The following DOCK2 variants were observed in gnomAD, a reference collection of about 807,000 sequenced individuals.
DOCK2 encodes dedicator of cytokinesis 2.
Under a neutral mutation model 248.9 loss-of-function variants are expected in DOCK2, and 87 were observed. The observed-to-expected ratio is 0.35, with a 90% CI of 0.29 to 0.42. The LOEUF is 0.42. Ranked by LOEUF, DOCK2 falls within the 10% of genes least tolerant of loss-of-function variation. DOCK2 has a pLI of 1.00. For missense variants in DOCK2, 1,747 were observed against 2,300.2 expected (o/e 0.76, Z 4.92); for synonymous variants, 805 against 821.6 (o/e 0.98, Z 0.35).
Position 169,689,336 on chromosome 5 carries a change from G to A in DOCK2, c.843+3G>A. 1.2e-6 allele frequency: 2 copies of A among 1,613,954 alleles called. No individual in the cohort carries two copies. Among genetic ancestry groups the A allele is most frequent in the South Asian group, 1.1e-5 (1 of 91,058 alleles). On this transcript the variant is annotated splice_donor_region_variant and intron_variant, in intron 9 of 51. Transcript: ENST00000520908. ...ACAATCTGAAGGTGGTCTTCACGGTGAGTGTGCACCCTCTTCTCGTTACCG... is the reference window on the plus strand; with the variant it reads ...ACAATCTGAAGGTGGTCTTCACGGTAAGTGTGCACCCTCTTCTCGTTACCG...
At chr5:169,824,372 ATAC>A (rs1202294972) in intron 26 of DOCK2, among the ~76,000 whole-genome samples, 1 of 152,240 alleles carries the variant, frequency 6.6e-6, no homozygotes, top group Non-Finnish European at 1.5e-5. Context: ...ACTTCAAACT[ATAC>A]TACAAGGCTA....
chr5:170,040,955 C>A, intron 36 of DOCK2, 100 bp from the exon 37 acceptor site: 1 of 1,054,534 alleles, frequency 9.5e-7, no homozygotes, highest in Non-Finnish European at 1.5e-6. Flanking sequence ...TCTTGCGACC[C>A]AGAGAGGTGC....
chr5:169,761,291 G>A (rs1186735456), intron 24 of DOCK2: 6 of 478,900 alleles, frequency 1.3e-5, no homozygotes, highest in African/African-American at 5.8e-5. Flanking sequence ...CACGGTAACT[G>A]CTCAGGGCTA....
intron 27 of DOCK2, among the ~76,000 whole-genome samples, chr5:169,887,230 T>C (rs1773022893): frequency 6.6e-6 from 1 of 152,254 alleles, no homozygotes; most frequent in Non-Finnish European, 1.5e-5. Flanking sequence ...ATTCTGGTGT[T>C]AGCCCTGCCT....
In DOCK2 at chr5:169,996,081, T is replaced by A. The variant is rs1432355503; in HGVS notation, c.2994-5T>A. On this transcript the variant is annotated splice_region_variant and splice_polypyrimidine_tract_variant and intron_variant, in intron 29 of 51. Coordinates refer to ENST00000520908, the MANE Select transcript of DOCK2 (RefSeq NM_004946.3). Reference sequence around the variant, plus strand: ...ACAGTCTGGTAATTTTCTGCCCTCTTCCAGGGTCTTCCTGAGAGCTATCAA... The same window carrying A: ...ACAGTCTGGTAATTTTCTGCCCTCTACCAGGGTCTTCCTGAGAGCTATCAA... 4 of 1,613,784 alleles carry A rather than the reference T, an allele frequency of 2.5e-6. No homozygotes were observed. The highest frequency in any genetic ancestry group is 2.5e-6 in the Non-Finnish European group (3 of 1,179,816).
intron 2 of DOCK2, among the ~76,000 whole-genome samples, chr5:169,663,860 C>A (rs1187411018): frequency 6.6e-6 from 1 of 152,238 alleles, no homozygotes; most frequent in Non-Finnish European, 1.5e-5. Context: ...GACATTTTCC[C>A]TACTATCTTG....
In DOCK2 at chr5:169,980,260, C is replaced by G. The variant is rs1488743250; in HGVS notation, c.2800-2808C>G. ...GATCATCGATCATAAAAAATAAAAC[C>G]TACCCACATCTCTTACCTTGAAGCA... On this transcript the variant is annotated intron_variant, in intron 27 of 51. Transcript: ENST00000520908. The G allele has an allele frequency of 4.6e-5, 7 of 152,258 alleles. 1 individual carries two copies. In the Middle Eastern group the frequency reaches 0.017, roughly 370 times the overall value. The allele number at this position is 152,258 out of a possible 1,614,324, so 9.4% of individuals were successfully genotyped here. A position where few individuals can be genotyped will look rare whatever the true frequency, so the allele number is the denominator to read the frequency against.
At chr5:169,840,646 G>T in intron 26 of DOCK2, 111 bp from the exon 27 acceptor site, 1 of 786,978 alleles carries the variant, frequency 1.3e-6, no homozygotes, top group Non-Finnish European at 2.2e-6. Flanking sequence ...TGGTGGTGTT[G>T]GTGATGGTGT....
At chr5:169,726,647 C>A (rs772785690) in intron 22 of DOCK2, among the ~76,000 whole-genome samples, 2 of 152,142 alleles carry the variant, frequency 1.3e-5, no homozygotes. Context: ...TATTGGGCAC[C>A]TATTATGTGC....
At chr5:169,755,482 C>T (rs531948295) in intron 23 of DOCK2, among the ~76,000 whole-genome samples, 1 of 152,250 alleles carries the variant, frequency 6.6e-6, no homozygotes, top group African/African-American at 2.4e-5. Context: ...GTGGCTCCAG[C>T]CTGTAATCCC....
chr5:169,718,770 G>A lies in DOCK2; in HGVS notation c.2246G>A (p.Arg749Gln), dbSNP rs755733930. ...ALEYVFKFIV[R>Q]SRTLFSQLYE... ...GAATATGTGTTCAAGTTCATTGTTC[G>A]GTCGAGGACATTATTTTCACAGTGA... is the stretch of plus-strand genomic sequence containing the variant. The change falls in exon 22 of 52, where the codon CGG becomes CAG. Residue 749 changes from arginine to glutamine, a missense_variant. By Grantham distance (43) the Arg-to-Gln change is conservative. This residue lies in a region of DOCK2 where 858 missense variants were observed against 1,183.5 expected (regional missense o/e 0.72). Transcript: ENST00000520908. 5.0e-6 allele frequency: 8 copies of A among 1,613,394 alleles called. No homozygotes were observed. The highest frequency in any genetic ancestry group is 1.1e-5 in the South Asian group (1 of 91,024).
chr5:169,700,095 C>A lies in DOCK2; in HGVS notation c.1214C>A (p.Thr405Asn). 6.2e-7 allele frequency: 1 copy of A among 1,614,016 alleles called. No homozygotes were observed. The change falls in exon 13 of 52, where the codon ACC (threonine) becomes AAC (asparagine). Residue 405 changes from threonine (T) to asparagine (N), a missense_variant. By Grantham distance (65) the Thr-to-Asn change is moderately conservative. This residue lies in a region of DOCK2 where 375 missense variants were observed against 510.9 expected (regional missense o/e 0.73). Coordinates refer to ENST00000520908, the MANE Select transcript of DOCK2 (RefSeq NM_004946.3). ...KDYPHLVDRT[T>N]VVARKLGFPE... is the part of the protein sequence containing the mutation. Reference sequence around the variant, plus strand: ...TATCCACACCTGGTGGACAGGACCACCGTGGTGGCCAGGAAGCTGGGATTC... The same window carrying A: ...TATCCACACCTGGTGGACAGGACCAACGTGGTGGCCAGGAAGCTGGGATTC...
chr5:169,982,216 C>T (rs921317000), intron 27 of DOCK2, among the ~76,000 whole-genome samples: 1 of 152,122 alleles, frequency 6.6e-6, no homozygotes, highest in Non-Finnish European at 1.5e-5. Flanking sequence ...AATGACTTCT[C>T]ACCCCTGGTG....
chr5:169,964,494 A>G (rs977038794), intron 27 of DOCK2, among the ~76,000 whole-genome samples: 20 of 152,208 alleles, frequency 1.3e-4, no homozygotes, highest in African/African-American at 4.8e-4. Flanking sequence ...GGCTCATGGG[A>G]GCTGGCGGCC....
intron 33 of DOCK2, among the ~76,000 whole-genome samples, chr5:170,022,284 T>C (rs186144535): frequency 6.6e-6 from 1 of 152,302 alleles, no homozygotes; most frequent in African/African-American, 2.4e-5. Context: ...CAAGTATACA[T>C]AGGCTGGAAC....
intron 1 of DOCK2, 87 bp downstream of exon 1, chr5:169,637,456 G>C: frequency 3.9e-6 from 5 of 1,269,174 alleles, no homozygotes; most frequent in Middle Eastern, 3.0e-4. Flanking sequence ...CCGGCGGCGC[G>C]GGGTGGGCAG....
chr5:169,710,476 C>A, intron 15 of DOCK2, among the ~76,000 whole-genome samples: 1 of 152,204 alleles, frequency 6.6e-6, no homozygotes, highest in Non-Finnish European at 1.5e-5. Context: ...GGAATAATTC[C>A]TTGACAGAAG....
At chr5:169,701,691 A>G (rs980612767) in intron 13 of DOCK2, among the ~76,000 whole-genome samples, 2 of 151,630 alleles carry the variant, frequency 1.3e-5, no homozygotes, top group Non-Finnish European at 2.9e-5. Flanking sequence ...ATTTTTTTGT[A>G]TTTTTTGATA....
At chr5:169,792,661 C>T (rs190469208) in intron 25 of DOCK2, among the ~76,000 whole-genome samples, 1 of 152,098 alleles carries the variant, frequency 6.6e-6, no homozygotes, top group African/African-American at 2.4e-5. Context: ...GAGGCAGCTT[C>T]GTCAGCCAGA....
Sources: gnomAD v4.1 joint callset for allele counts (sites outside exome capture counted in the v4.1 genomes callset) on GRCh38, gnomAD v4.1.1 for gene constraint, gnomAD v4.1.1 regional missense constraint, MANE v1.5 for transcripts, NCBI Gene and HGNC (gene_info 2026-07-23, HGNC 2026-07-21) for gene names.